PLCH2: variants seen among roughly 807,000 people sequenced by gnomAD.
The protein encoded by PLCH2 is phospholipase C eta 2, also known as 1-phosphatidylinositol 4,5-bisphosphate phosphodiesterase eta-2.
In PLCH2, 98 loss-of-function variants were observed where a neutral mutation model predicts 134.7. That is an observed-to-expected ratio of 0.73 (90% CI 0.62 to 0.86). PLCH2 has a LOEUF of 0.86. Among genes scored for constraint, PLCH2 ranks in the 40% least tolerant of loss-of-function variants. PLCH2 has a pLI of 0.00. For missense variants in PLCH2, 1,994 were observed against 1,986.6 expected, an observed-to-expected ratio of 1.00 and a Z score of -0.07; for synonymous variants, 974 against 827.5, an observed-to-expected ratio of 1.18 and a Z score of -3.04.
At chr1:2,435,826 G>A (rs1221285753) in intron 2 of PLCH2, among the ~76,000 whole-genome samples, 2 of 150,734 alleles carry the variant, frequency 1.3e-5, no homozygotes, top group South Asian at 2.1e-4. Flanking sequence ...CACCTGGGGG[G>A]CTCAGCTGGG....
Position 2,486,914 on chromosome 1 carries a change from G to A in PLCH2, c.824G>A (p.Gly275Asp), listed in dbSNP as rs747417025. ...RFLQVEQKMA[G>D]VTLESCQDII... The stretch of plus-strand genomic sequence containing the variant: ...GCCCCTGCTCTGGCCTAGATGGCGG[G>A]TGTGACCCTCGAGAGCTGCCAGGAC... Residue 275 changes from glycine to aspartate, a missense_variant, in exon 6 of 22, where the codon GGT (glycine) becomes GAT (aspartate). Physicochemically the swap from Gly to Asp is moderately conservative, Grantham distance 94. This residue lies in a region of PLCH2 where 1,094 missense variants were observed against 1,234.3 expected (regional missense o/e 0.89). Transcript: ENST00000378486. 2.5e-6 allele frequency: 4 copies of A among 1,604,416 alleles called. No individual in the cohort carries two copies. The highest frequency in any genetic ancestry group is 3.4e-6 in the Non-Finnish European group (4 of 1,175,926).
At chr1:2,420,611 C>T in the PLCH2 span, among the ~76,000 whole-genome samples, 4 of 152,198 alleles carry the variant, frequency 2.6e-5, no homozygotes, top group East Asian at 1.9e-4. Flanking sequence ...CTTTGCACCC[C>T]GCTTTACAGA....
At chr1:2,424,773 G>A (rs562697845), upstream of PLCH2, among the ~76,000 whole-genome samples, 5 of 152,166 alleles carry the variant, frequency 3.3e-5, no homozygotes, top group African/African-American at 7.2e-5. Flanking sequence ...GGATCACGAG[G>A]TCAGGAGATC....
In PLCH2 at chr1:2,444,351, C is replaced by T. The variant is rs916103568; in HGVS notation, c.115+13722C>T. Among the ~76,000 whole-genome samples, 4 of 151,990 alleles carry T rather than the reference C, an allele frequency of 2.6e-5. No individual in the cohort carries two copies. Among genetic ancestry groups the T allele is most frequent in the Non-Finnish European group, 4.4e-5 (3 of 67,952 alleles). ...TGCCGCAGGGCACCCTGTGTGGGTCCGGGAGGTGCTGCGTGGACTTGCCGC... is the reference window on the plus strand; with the variant it reads ...TGCCGCAGGGCACCCTGTGTGGGTCTGGGAGGTGCTGCGTGGACTTGCCGC... On this transcript the variant is annotated intron_variant, in intron 2 of 3. Transcript: ENST00000609981. This position sits in a 1 kb window ranked among gnomAD's most constrained non-coding sequence, Gnocchi z 4.6.
chr1:2,424,693 A>G (rs548478855), upstream of PLCH2, among the ~76,000 whole-genome samples: 8 of 152,214 alleles, frequency 5.3e-5, no homozygotes, highest in African/African-American at 1.7e-4. Flanking sequence ...TCTACTAAAA[A>G]TACACAAAAT....
At chr1:2,502,684 A>G in intron 21 of PLCH2, 1 of 703,176 alleles carries the variant, frequency 1.4e-6, no homozygotes, top group South Asian at 1.5e-5. Context: ...TCCCGGGGAG[A>G]AGCAGAGAGG....
At chr1:2,443,778 T>C (rs992078588) in intron 2 of PLCH2, among the ~76,000 whole-genome samples, 1 of 146,998 alleles carries the variant, frequency 6.8e-6, no homozygotes, top group Non-Finnish European at 1.5e-5. Context: ...CGGGGCGCAG[T>C]GTCACCGCGC....
intron 11 of PLCH2, among the ~76,000 whole-genome samples, chr1:2,492,873 G>A (rs1163234123): frequency 2.0e-5 from 3 of 152,126 alleles, no homozygotes; most frequent in African/African-American, 4.8e-5. Flanking sequence ...AGGCCCGGGG[G>A]CAGCAGGAAT....
At chr1:2,464,279 C>T (rs558100241), upstream of PLCH2, among the ~76,000 whole-genome samples, 8 of 152,296 alleles carry the variant, frequency 5.3e-5, no homozygotes, top group South Asian at 2.1e-4. Flanking sequence ...CTGGTCTTCC[C>T]GATGTGCATC....
chr1:2,434,236 C>T (rs1269479813), intron 2 of PLCH2, among the ~76,000 whole-genome samples: 1 of 152,202 alleles, frequency 6.6e-6, no homozygotes, highest in Non-Finnish European at 1.5e-5. Flanking sequence ...GCAGGGGGCA[C>T]CGCGCCTTCC....
chr1:2,486,434 G>A (rs112388530), intron 5 of PLCH2, among the ~76,000 whole-genome samples: 43 of 152,228 alleles, frequency 2.8e-4, no homozygotes, highest in Non-Finnish European at 5.7e-4. Flanking sequence ...CCCTTGGCCT[G>A]TGATGCCTGG....
chr1:2,476,643 C>A lies in PLCH2; in HGVS notation c.55C>A (p.Leu19Met). The change falls in exon 1 of 22, where the codon CTG becomes ATG. Residue 19 changes from leucine to methionine, a missense_variant. Around this residue, in one of 2 missense-constraint regions of PLCH2, gnomAD observed 1,094 missense variants for 1,234.3 expected, o/e 0.89. Coordinates refer to ENST00000378486, the MANE Select transcript of PLCH2 (RefSeq NM_014638.4). ...CCGGACCAAGGGAACGGTGGCCTGG[C>A]TGGCGGAGGTACTCCTCTGGGTTGG... is the stretch of plus-strand genomic sequence containing the variant. ...DSRTKGTVAW[L>M]AEVLLWVGGS... 1 of 1,606,790 alleles carries A rather than the reference C, an allele frequency of 6.2e-7. No homozygotes were observed. Among genetic ancestry groups the A allele is most frequent in the Non-Finnish European group, 8.5e-7 (1 of 1,177,756 alleles).
At chr1:2,489,950 T>C in intron 10 of PLCH2, 83 bp downstream of exon 10, 1 of 1,049,344 alleles carries the variant, frequency 9.5e-7, no homozygotes, top group Non-Finnish European at 1.5e-6. Flanking sequence ...TTGGGGCGAG[T>C]TAGAAAGGGA....
At chr1:2,481,490 CG>C (rs1238257139) in intron 4 of PLCH2, among the ~76,000 whole-genome samples, 2 of 152,342 alleles carry the variant, frequency 1.3e-5, no homozygotes, top group East Asian at 3.9e-4. Flanking sequence ...TGCCAGGGCC[CG>C]GGCAGCAGGG....
At chr1:2,438,225 T>C (rs931846462) in intron 2 of PLCH2, among the ~76,000 whole-genome samples, 2 of 152,120 alleles carry the variant, frequency 1.3e-5, no homozygotes, top group African/African-American at 4.8e-5. Context: ...CGGCAGACGG[T>C]GTGTGCTGGC....
At chr1:2,503,559 C>T (rs1643355808) in intron 21 of PLCH2, 1 of 678,710 alleles carries the variant, frequency 1.5e-6, no homozygotes, top group Non-Finnish European at 2.7e-6. Flanking sequence ...CCACCCTGCC[C>T]CTCCAGACCC....
upstream of PLCH2, among the ~76,000 whole-genome samples, chr1:2,473,959 C>G (rs949283944): frequency 6.6e-6 from 1 of 152,248 alleles, no homozygotes; most frequent in Non-Finnish European, 1.5e-5. Flanking sequence ...GGGGCCGAGG[C>G]GGCCTGGGGG....
At chr1:2,453,120 C>G (rs1640323464) in intron 2 of PLCH2, among the ~76,000 whole-genome samples, 1 of 152,180 alleles carries the variant, frequency 6.6e-6, no homozygotes, top group Non-Finnish European at 1.5e-5. Context: ...CCTGGGCCGC[C>G]CATCCCCCAC....
At chr1:2,420,975 CAG>C in the PLCH2 span, among the ~76,000 whole-genome samples, 1 of 137,206 alleles carries the variant, frequency 7.3e-6, no homozygotes, top group Non-Finnish European at 1.6e-5. Context: ...TTTTTTGAGA[CAG>C]AGTCTCACCC....
Sources: allele counts gnomAD v4.1 joint callset (sites outside exome capture counted in the v4.1 genomes callset), GRCh38; gene constraint gnomAD v4.1.1; regional missense constraint gnomAD v4.1.1; non-coding constraint Gnocchi (gnomAD v3.1); transcripts MANE v1.5; gene names NCBI Gene and HGNC (gene_info 2026-07-23, HGNC 2026-07-21).